Variants in ZNF385D observed in about 807,000 individuals in gnomAD.
The protein encoded by ZNF385D is zinc finger protein 659.
ZNF385D carries 15 observed loss-of-function variants against 35.8 expected under a neutral mutation model. That is an observed-to-expected ratio of 0.42 (90% CI 0.28 to 0.64). ZNF385D has a LOEUF of 0.64. ZNF385D is among the 30% of genes least tolerant of loss of function. The pLI, the probability that ZNF385D is intolerant of heterozygous loss-of-function variation, is 0.23. For missense variants in ZNF385D, 474 were observed against 494.6 expected (o/e 0.96, Z 0.39); for synonymous variants, 212 against 186.8 (o/e 1.13, Z -1.10).
intron 1 of ZNF385D, among the ~76,000 whole-genome samples, chr3:21,738,243 C>T (rs979901415): frequency 6.6e-6 from 1 of 152,200 alleles, no homozygotes; most frequent in Non-Finnish European, 1.5e-5. Flanking sequence ...TTGTCAGAGA[C>T]TGGAATTTAT....
chr3:21,759,570 G>A (rs1478693496), intron 3 of ZNF385D, among the ~76,000 whole-genome samples: 4 of 152,036 alleles, frequency 2.6e-5, no homozygotes, highest in Non-Finnish European at 4.4e-5. Context: ...AAGACATTTG[G>A]TGACACAATA....
At chr3:21,638,231 C>T (rs2065502575) in intron 2 of ZNF385D, among the ~76,000 whole-genome samples, 1 of 151,984 alleles carries the variant, frequency 6.6e-6, no homozygotes, top group African/African-American at 2.4e-5. Context: ...CTCCATGAAT[C>T]TTATGTTTCT....
At chr3:22,340,414 G>A (rs1332151063) in intron 2 of ZNF385D, among the ~76,000 whole-genome samples, 2 of 152,176 alleles carry the variant, frequency 1.3e-5, no homozygotes, top group African/African-American at 4.8e-5. Context: ...CTGAGGCCAA[G>A]GCAGGTGGAT....
At chr3:22,367,365 T>A (rs1389658) in intron 2 of ZNF385D, among the ~76,000 whole-genome samples, 7,945 of 152,244 alleles carry the variant, frequency 0.052, 665 homozygotes, top group African/African-American at 0.18. Context: ...ACTCTTAAAA[T>A]GCTACACTAT....
chr3:21,879,931 T>C (rs150517301), intron 3 of ZNF385D, among the ~76,000 whole-genome samples: 1 of 152,006 alleles, frequency 6.6e-6, no homozygotes, highest in Admixed American at 6.6e-5. Flanking sequence ...TCTTCTTTCA[T>C]GTAATCTCAA....
intron 3 of ZNF385D, among the ~76,000 whole-genome samples, chr3:22,128,182 T>G (rs1703554010): frequency 6.6e-6 from 1 of 152,202 alleles, no homozygotes; most frequent in East Asian, 1.9e-4. Flanking sequence ...TTTTTTTCCA[T>G]CAGCACTTTA....
intron 3 of ZNF385D, among the ~76,000 whole-genome samples, chr3:21,791,991 C>T (rs1427708643): frequency 1.3e-5 from 2 of 152,144 alleles, no homozygotes; most frequent in African/African-American, 4.8e-5. Context: ...CCTCAGCCTC[C>T]CAAAGTGCTG....
intron 3 of ZNF385D, among the ~76,000 whole-genome samples, chr3:22,026,580 C>T (rs1459440282): frequency 2.6e-5 from 4 of 152,148 alleles, no homozygotes; most frequent in African/African-American, 9.7e-5. Context: ...CCAGTGGGTC[C>T]TCGGACTCAT....
At chr3:21,490,431 A>G (rs866910121) in intron 4 of ZNF385D, among the ~76,000 whole-genome samples, 3 of 152,160 alleles carry the variant, frequency 2.0e-5, no homozygotes, top group Non-Finnish European at 2.9e-5. Flanking sequence ...TCTTCTTACA[A>G]TACAATGTGA....
rs547155991 is a variant in ZNF385D, at chr3:21,986,597, C to G, written c.325+182220G>C. Among the ~76,000 whole-genome samples the G allele has an allele frequency of 4.9e-3, 734 of 148,974 alleles. 9 individuals are homozygous for G. Among genetic ancestry groups the G allele is most frequent in the African/African-American group, 0.018 (699 of 38,856 alleles). On this transcript the variant is annotated intron_variant, in intron 3 of 5. Coordinates refer to the ZNF385D transcript ENST00000494108. The stretch of plus-strand genomic sequence containing the variant: ...AGAGCTTTACTTCCAACCATGTGGT[C>G]AATTTTGGAATAGGTGTGGTGTGGT...
intron 3 of ZNF385D, among the ~76,000 whole-genome samples, chr3:21,760,489 G>T (rs772251546): frequency 2.0e-5 from 3 of 152,168 alleles, no homozygotes; most frequent in African/African-American, 7.2e-5. Flanking sequence ...GCAGTGGGAC[G>T]TTATTACTGC....
At chr3:22,109,407 A>G (rs1036216876) in intron 3 of ZNF385D, among the ~76,000 whole-genome samples, 1 of 152,200 alleles carries the variant, frequency 6.6e-6, no homozygotes, top group Admixed American at 6.6e-5. Context: ...AGCTACCACT[A>G]CAGAAGCATG....
intron 1 of ZNF385D, among the ~76,000 whole-genome samples, chr3:21,671,773 T>TGGAA (rs1199666566): frequency 4.6e-5 from 7 of 151,902 alleles, no homozygotes; most frequent in East Asian, 3.9e-4. Flanking sequence ...GAAAGGAAGG[T>TGGAA]GGAAGGAAGG....
chr3:21,709,376 T>A (rs573365044), intron 1 of ZNF385D, among the ~76,000 whole-genome samples: 27 of 152,280 alleles, frequency 1.8e-4, no homozygotes, highest in Admixed American at 6.5e-4. Context: ...ACTAATAATT[T>A]AGTCCCCATG....
intron 2 of ZNF385D, among the ~76,000 whole-genome samples, chr3:21,640,065 G>GCTTT (rs145577105): frequency 7.2e-5 from 11 of 151,886 alleles, no homozygotes; most frequent in East Asian, 1.9e-4. Flanking sequence ...AAATCAGAAT[G>GCTTT]CTTTCTTTCT....
intron 2 of ZNF385D, among the ~76,000 whole-genome samples, chr3:22,327,732 C>T (rs1278863209): frequency 3.9e-5 from 6 of 152,114 alleles, no homozygotes; most frequent in South Asian, 2.1e-4. Flanking sequence ...TGTATTTAAA[C>T]GGAGCTCTAG....
chr3:22,237,015 A>G (rs1324213000), intron 2 of ZNF385D, among the ~76,000 whole-genome samples: 2 of 152,148 alleles, frequency 1.3e-5, no homozygotes, highest in Admixed American at 6.5e-5. Flanking sequence ...ATTTACGTGA[A>G]TATGTTTTCA....
chr3:21,815,727 T>C (rs1345568954), intron 3 of ZNF385D, among the ~76,000 whole-genome samples: 2 of 152,194 alleles, frequency 1.3e-5, no homozygotes, highest in Non-Finnish European at 2.9e-5. Context: ...CCAGACGGAT[T>C]CACAGCTGAA....
chr3:21,909,428 A>G (rs1199019382), intron 3 of ZNF385D, among the ~76,000 whole-genome samples: 3 of 152,130 alleles, frequency 2.0e-5, no homozygotes, highest in African/African-American at 7.2e-5. Flanking sequence ...TGATAATAAC[A>G]TCAGAGAAGC....
Sources: allele counts gnomAD v4.1 joint callset (sites outside exome capture counted in the v4.1 genomes callset), GRCh38; gene constraint gnomAD v4.1.1; transcripts MANE v1.5; gene names NCBI Gene and HGNC (gene_info 2026-07-23, HGNC 2026-07-21).